LRP1B: variants seen among roughly 807,000 people sequenced by gnomAD.
LRP1B encodes the protein low-density lipoprotein receptor-related protein 1B.
LRP1B carries 217 observed loss-of-function variants against 556.6 expected under a neutral mutation model. That is an observed-to-expected ratio of 0.39 (90% CI 0.35 to 0.44). The LOEUF (loss-of-function observed/expected upper bound fraction) is 0.44. LRP1B is among the 20% of genes least tolerant of loss of function. The pLI is 1.00. For synonymous variants in LRP1B, 2,047 were observed against 1,865.8 expected, an observed-to-expected ratio of 1.10 and a Z score of -2.50; for missense variants, 5,053 against 5,620.8, an observed-to-expected ratio of 0.90 and a Z score of 3.23.
chr2:141,684,106 T>C (rs1033626042), intron 2 of LRP1B, among the ~76,000 whole-genome samples: 1 of 152,132 alleles, frequency 6.6e-6, no homozygotes, highest in African/African-American at 2.4e-5. Context: ...TTACTGGGTA[T>C]ATACCCAAAG....
chr2:140,602,304 A>T (rs961195246), intron 41 of LRP1B, among the ~76,000 whole-genome samples: 7 of 152,154 alleles, frequency 4.6e-5, no homozygotes, highest in Non-Finnish European at 1.0e-4. Flanking sequence ...CCTAATACAT[A>T]AAAGTGACAA....
chr2:141,335,417 G>T (rs1272616077), intron 3 of LRP1B, among the ~76,000 whole-genome samples: 2 of 152,162 alleles, frequency 1.3e-5, no homozygotes, highest in African/African-American at 4.8e-5. Context: ...TGGCATAATT[G>T]GTGTTTATTA....
chr2:141,247,147 C>G (rs2105326549), intron 5 of LRP1B, 79 bp downstream of exon 5: 1 of 1,520,462 alleles, frequency 6.6e-7, no homozygotes, highest in Admixed American at 1.7e-5. Flanking sequence ...TTCTGCTATA[C>G]CACATCTCTA....
rs1697029910 is a variant in LRP1B at position 140,989,667 on chromosome 2, A to T, written c.2645-10T>A. 1 of 1,611,266 alleles carries T rather than the reference A, an allele frequency of 6.2e-7. No individual in the cohort carries two copies. The highest frequency in any genetic ancestry group is 8.5e-7 in the Non-Finnish European group (1 of 1,178,368). On this transcript the variant is annotated splice_polypyrimidine_tract_variant and intron_variant, in intron 16 of 90. Coordinates refer to ENST00000389484, the MANE Select transcript of LRP1B (RefSeq NM_018557.3). ...GGACAGCTATGATTGACTGGGAGGG[A>T]GGGGGAAGCAAGATTAATTATTTAA...
intron 3 of LRP1B, among the ~76,000 whole-genome samples, chr2:141,421,736 G>A (rs1345688934): frequency 6.6e-6 from 1 of 151,406 alleles, no homozygotes; most frequent in Non-Finnish European, 1.5e-5. Context: ...TCTTTTGCTA[G>A]AGAGGGCCTT....
At chr2:141,822,157 A>AGAGAGAGG (rs34450512) in intron 1 of LRP1B, among the ~76,000 whole-genome samples, 2 of 150,838 alleles carry the variant, frequency 1.3e-5, no homozygotes, top group African/African-American at 4.9e-5. Context: ...AGAGAGAGAG[A>AGAGAGAGG]TAATAGTAAA....
chr2:141,005,218 TA>T, intron 15 of LRP1B, 116 bp downstream of exon 15: 1 of 1,131,206 alleles, frequency 8.8e-7, no homozygotes, highest in Non-Finnish European at 1.2e-6. Context: ...GAATTATATC[TA>T]AATAATTATC....
chr2:141,505,094 T>C (rs1271162705), intron 2 of LRP1B, among the ~76,000 whole-genome samples: 1 of 110,462 alleles, frequency 9.1e-6, no homozygotes, highest in Non-Finnish European at 2.0e-5. Flanking sequence ...ATCCCTCCTC[T>C]CTCTCTCTAT....
chr2:142,055,811 G>T (rs1050450532), intron 1 of LRP1B, among the ~76,000 whole-genome samples: 1 of 152,150 alleles, frequency 6.6e-6, no homozygotes, highest in Non-Finnish European at 1.5e-5. Context: ...CTAAAAATTT[G>T]TATATGAGTG....
intron 41 of LRP1B, among the ~76,000 whole-genome samples, chr2:140,668,779 C>T (rs1451048709): frequency 6.6e-6 from 1 of 151,364 alleles, no homozygotes; most frequent in Non-Finnish European, 1.5e-5. Context: ...AAAACTAGGG[C>T]AAATGGTGAA....
intron 67 of LRP1B, among the ~76,000 whole-genome samples, chr2:140,378,881 T>C (rs1683351626): frequency 6.6e-6 from 1 of 152,200 alleles, no homozygotes; most frequent in Non-Finnish European, 1.5e-5. Context: ...GTTTATGCCA[T>C]TGTTTATTGT....
At chr2:142,061,795 T>G (rs1704927765) in intron 1 of LRP1B, among the ~76,000 whole-genome samples, 1 of 151,972 alleles carries the variant, frequency 6.6e-6, no homozygotes. Flanking sequence ...TCATTTCATT[T>G]CGTCTGATAT....
intron 1 of LRP1B, among the ~76,000 whole-genome samples, chr2:141,974,779 C>T (rs961051642): frequency 2.0e-5 from 3 of 152,014 alleles, no homozygotes; most frequent in African/African-American, 7.2e-5. Flanking sequence ...AATTTTCCAA[C>T]CAAAGCAATT....
chr2:140,738,053 A>G (rs934534031), intron 35 of LRP1B, among the ~76,000 whole-genome samples: 1 of 152,132 alleles, frequency 6.6e-6, no homozygotes, highest in Admixed American at 6.6e-5. Flanking sequence ...TGAAACCCAG[A>G]GATCAGTAGA....
intron 25 of LRP1B, among the ~76,000 whole-genome samples, chr2:140,880,667 T>A (rs573867912): frequency 1.3e-5 from 2 of 152,128 alleles, no homozygotes; most frequent in African/African-American, 4.8e-5. Context: ...AGTAAATGTG[T>A]TTTGTGAGGC....
chr2:140,904,023 T>C (rs1339357583), intron 22 of LRP1B, among the ~76,000 whole-genome samples: 2 of 152,058 alleles, frequency 1.3e-5, no homozygotes, highest in African/African-American at 4.8e-5. Flanking sequence ...CCTTTAAATA[T>C]ATTTATTTAT....
intron 2 of LRP1B, 82 bp from the exon 3 acceptor site, chr2:141,480,615 T>C: frequency 7.2e-7 from 1 of 1,390,878 alleles, no homozygotes; most frequent in Non-Finnish European, 1.0e-6. Context: ...ATTACTAGCA[T>C]TGTTTTACAA....
intron 58 of LRP1B, 91 bp downstream of exon 58, chr2:140,487,526 G>T: frequency 2.4e-6 from 3 of 1,235,306 alleles, no homozygotes; most frequent in Non-Finnish European, 3.5e-6. Context: ...CATTTTATGA[G>T]TAATATCATG....
In LRP1B at chr2:140,506,913, T is replaced by C. The variant is rs1202169171; in HGVS notation, c.8404A>G (p.Asn2802Asp). ...AAAGCATTTTCATCACATGTATTAT[T>C]GGGAGCTAAGAAAGGCATCACAAAA... ...DELSTAGCAP[N>D]NTCDENAFMC... Residue 2802 changes from asparagine (N) to aspartate (D), a missense_variant, in exon 53 of 91, where the codon AAT (asparagine) becomes GAT (aspartate). Physicochemically the swap from Asn to Asp is conservative, Grantham distance 23. Around this residue, in one of 5 missense-constraint regions of LRP1B, gnomAD observed 3,619 missense variants for 3,931.9 expected, o/e 0.92. Transcript: ENST00000389484. 5 of 1,613,666 alleles carry C rather than the reference T, an allele frequency of 3.1e-6. No individual in the cohort carries two copies. Among genetic ancestry groups the C allele is most frequent in the Middle Eastern group, 1.7e-4 (1 of 6,054 alleles).
Sources: gnomAD v4.1 joint callset for allele counts (sites outside exome capture counted in the v4.1 genomes callset) on GRCh38, gnomAD v4.1.1 for gene constraint, gnomAD v4.1.1 regional missense constraint, MANE v1.5 for transcripts, NCBI Gene and HGNC (gene_info 2026-07-23, HGNC 2026-07-21) for gene names.